The following MUSK variants were observed in gnomAD, a reference collection of about 807,000 sequenced individuals.
MUSK encodes muscle associated receptor tyrosine kinase.
Under a neutral mutation model 88.7 loss-of-function variants are expected in MUSK, and 55 were observed. That is an observed-to-expected ratio of 0.62 (90% confidence interval 0.50 to 0.78). MUSK has a LOEUF of 0.78. MUSK is among the 30% of genes least tolerant of loss of function. MUSK has a pLI of 0.00. For synonymous variants in MUSK, 387 were observed against 391.9 expected, an observed-to-expected ratio of 0.99 and a Z score of 0.15; for missense variants, 1,015 against 1,074.3, an observed-to-expected ratio of 0.94 and a Z score of 0.77.
At chr9:110,762,127 G>A (rs951298229) in intron 7 of MUSK, 75 bp from the exon 8 acceptor site, 107 of 1,229,326 alleles carry the variant, frequency 8.7e-5, no homozygotes, top group Middle Eastern at 4.1e-4. Flanking sequence ...CAAAGCATAA[G>A]ATGAAAATGT....
chr9:110,689,702 A>ATATATATATATTTT (rs2076271934), intron 3 of MUSK, among the ~76,000 whole-genome samples: 7 of 41,346 alleles, frequency 1.7e-4, no homozygotes, highest in African/African-American at 8.6e-4. Context: ...GTTATATATA[A>ATATATATATATTTT]ATATATAACT....
chr9:110,755,692 G>C (rs1164938615), intron 7 of MUSK, among the ~76,000 whole-genome samples: 3 of 151,916 alleles, frequency 2.0e-5, no homozygotes, highest in Admixed American at 2.0e-4. Flanking sequence ...GGAACATGGA[G>C]AGTAGACAAA....
intron 5 of MUSK, among the ~76,000 whole-genome samples, chr9:110,718,593 C>T (rs1189927701): frequency 6.6e-6 from 1 of 151,884 alleles, no homozygotes; most frequent in Admixed American, 6.6e-5. Flanking sequence ...TGTTAAAAGT[C>T]AAAACCTAAG....
At chr9:110,740,803 G>A (rs766601761) in intron 6 of MUSK, among the ~76,000 whole-genome samples, 3 of 152,146 alleles carry the variant, frequency 2.0e-5, no homozygotes, top group Non-Finnish European at 4.4e-5. Flanking sequence ...AAGACTGGGA[G>A]TGAAGTTTCC....
chr9:110,702,912 A>G (rs1176502792), intron 5 of MUSK, among the ~76,000 whole-genome samples: 2 of 127,292 alleles, frequency 1.6e-5, no homozygotes, highest in African/African-American at 5.7e-5. Flanking sequence ...AAATAATAAT[A>G]AAAAACCTAC....
At chr9:110,680,525 A>G (rs1469586277) in intron 1 of MUSK, among the ~76,000 whole-genome samples, 1 of 151,720 alleles carries the variant, frequency 6.6e-6, no homozygotes, top group East Asian at 1.9e-4. Context: ...CTGGGACTAC[A>G]GGTGTGCACC....
chr9:110,800,481 G>T lies in MUSK; in HGVS notation c.2103G>T (p.Glu701Asp). The T allele has an allele frequency of 3.1e-6, 5 of 1,613,888 alleles. No individual in the cohort carries two copies. The highest frequency in any genetic ancestry group is 4.2e-6 in the Non-Finnish European group (5 of 1,179,872). Residue 701 changes from glutamate (E) to aspartate (D), a missense_variant, in exon 15 of 15, where the codon GAG becomes GAT. By Grantham distance (45) the Glu-to-Asp change is conservative. Transcript: ENST00000374448. ...GGCCCCCACCCCTCTCCTGTGCTGA[G>T]CAGCTTTGCATTGCCAGGCAGGTGG... ...SPGPPPLSCA[E>D]QLCIARQVAA...
At chr9:110,721,903 A>G (rs2076816168) in intron 5 of MUSK, among the ~76,000 whole-genome samples, 1 of 152,198 alleles carries the variant, frequency 6.6e-6, no homozygotes, top group Non-Finnish European at 1.5e-5. Context: ...CACAGAGATC[A>G]GTGGAACTGA....
chr9:110,798,661 A>G (rs1280630332), intron 14 of MUSK, among the ~76,000 whole-genome samples: 1 of 152,188 alleles, frequency 6.6e-6, no homozygotes, highest in African/African-American at 2.4e-5. Flanking sequence ...CATGTGTAGT[A>G]TTAGACCTGA....
At chr9:110,682,172 G>A (rs1414155384) in intron 1 of MUSK, among the ~76,000 whole-genome samples, 2 of 152,146 alleles carry the variant, frequency 1.3e-5, no homozygotes, top group East Asian at 3.9e-4. Flanking sequence ...TCATTTGCAG[G>A]AGCCCTTTCT....
chr9:110,755,355 T>G (rs1409217858), intron 7 of MUSK, among the ~76,000 whole-genome samples: 2 of 152,206 alleles, frequency 1.3e-5, no homozygotes, highest in African/African-American at 4.8e-5. Flanking sequence ...CATTGTAGAT[T>G]GCAGAACAAC....
Position 110,801,153 on chromosome 9 carries a change from T to G in MUSK, c.*165T>G. 1.8e-6 allele frequency: 1 copy of G among 542,248 alleles called. No individual in the cohort carries two copies. The highest frequency in any genetic ancestry group is 3.0e-6 in the Non-Finnish European group (1 of 333,562). 33.6% of individuals were successfully genotyped at this position (542,248 alleles called of 1,614,324 possible). A position where few individuals can be genotyped will look rare whatever the true frequency, so the allele number is the denominator to read the frequency against. On this transcript the variant is annotated 3_prime_UTR_variant, in exon 15 of 15. Transcript: ENST00000374448. ...GAGAGCAAAGACAGTGCAAAACCCA[T>G]GTGGTAGACGGACCCATTGAAAGCC...
At chr9:110,787,568 C>A in intron 13 of MUSK, 122 bp from the exon 14 acceptor site, 3 of 871,820 alleles carry the variant, frequency 3.4e-6, no homozygotes, top group East Asian at 2.7e-5. Context: ...CTGGGAAAGG[C>A]TGCGTGAGAC....
intron 6 of MUSK, among the ~76,000 whole-genome samples, chr9:110,740,025 T>C (rs928122510): frequency 3.9e-5 from 6 of 152,110 alleles, no homozygotes; most frequent in African/African-American, 1.4e-4. Context: ...ATCCACATCA[T>C]CCCAAATTGT....
intron 5 of MUSK, among the ~76,000 whole-genome samples, chr9:110,709,101 C>A (rs1323209928): frequency 1.3e-5 from 2 of 152,150 alleles, no homozygotes; most frequent in Non-Finnish European, 2.9e-5. Context: ...GAAGGCCATG[C>A]CTCCACTGGG....
chr9:110,730,783 G>A (rs2076953293), intron 5 of MUSK, among the ~76,000 whole-genome samples: 1 of 151,916 alleles, frequency 6.6e-6, no homozygotes, highest in Non-Finnish European at 1.5e-5. Flanking sequence ...GATAGAGTTG[G>A]GTAAAAACAT....
At chr9:110,779,654 T>G (rs1184955655) in intron 11 of MUSK, among the ~76,000 whole-genome samples, 1 of 152,166 alleles carries the variant, frequency 6.6e-6, no homozygotes, top group Non-Finnish European at 1.5e-5. Context: ...CCTTGTTCTT[T>G]TATGAGTATA....
chr9:110,787,153 G>A (rs941737752), intron 13 of MUSK, among the ~76,000 whole-genome samples: 7 of 152,212 alleles, frequency 4.6e-5, no homozygotes, highest in African/African-American at 1.7e-4. Context: ...ACGAGGTCAG[G>A]AGATTGAGAC....
intron 1 of MUSK, among the ~76,000 whole-genome samples, chr9:110,681,103 ATATAT>A (rs2076123818): frequency 1.7e-5 from 1 of 57,332 alleles, no homozygotes; most frequent in East Asian, 1.4e-3. Context: ...ATTATATAAT[ATATAT>A]TATATATAAT....
Sources: allele counts gnomAD v4.1 joint callset (sites outside exome capture counted in the v4.1 genomes callset), GRCh38; gene constraint gnomAD v4.1.1; transcripts MANE v1.5; gene names NCBI Gene and HGNC (gene_info 2026-07-23, HGNC 2026-07-21).